The following CNTN5 variants were observed in gnomAD, a reference collection of about 807,000 sequenced individuals.
CNTN5 encodes the protein contactin-5.
In CNTN5, 77 loss-of-function variants were observed where a neutral mutation model predicts 129.1. The ratio of observed to expected loss-of-function variants is 0.60; its 90% confidence interval spans 0.50 to 0.72. The LOEUF is 0.72. CNTN5 is among the 30% of genes least tolerant of loss of function. The pLI is 0.00. For synonymous variants in CNTN5, 509 were observed against 465.6 expected (o/e 1.09, Z -1.20); for missense variants, 1,478 against 1,328.8 (o/e 1.11, Z -1.75).
intron 1 of CNTN5, among the ~76,000 whole-genome samples, chr11:99,134,372 A>T (rs925251239): frequency 6.6e-6 from 1 of 152,118 alleles, no homozygotes; most frequent in African/African-American, 2.4e-5. Context: ...TGTATAAAAA[A>T]CCTGCACATT....
At chr11:100,128,404 A>G (rs1946265599) in intron 13 of CNTN5, among the ~76,000 whole-genome samples, 1 of 152,164 alleles carries the variant, frequency 6.6e-6, no homozygotes, top group Non-Finnish European at 1.5e-5. Flanking sequence ...TTCAAGTTGC[A>G]TAATGGCTCC....
chr11:100,265,541 T>C (rs923265120), intron 17 of CNTN5, among the ~76,000 whole-genome samples: 2 of 152,064 alleles, frequency 1.3e-5, no homozygotes, highest in Admixed American at 6.6e-5. Flanking sequence ...AATTTAACAA[T>C]ATCCATTAGA....
At chr11:99,447,826 G>C (rs1368228600) in intron 2 of CNTN5, among the ~76,000 whole-genome samples, 1 of 152,170 alleles carries the variant, frequency 6.6e-6, no homozygotes, top group African/African-American at 2.4e-5. Flanking sequence ...TTGGGAGGCT[G>C]AGGCAGGAGA....
intron 1 of CNTN5, among the ~76,000 whole-genome samples, chr11:99,140,263 G>A (rs144074235): frequency 6.6e-6 from 1 of 151,904 alleles, no homozygotes; most frequent in East Asian, 1.9e-4. Context: ...TAGTAACATG[G>A]GTAAATTTTG....
intron 15 of CNTN5, among the ~76,000 whole-genome samples, chr11:100,215,196 A>G (rs146615350): frequency 9.5e-4 from 144 of 152,216 alleles, no homozygotes; most frequent in African/African-American, 3.2e-3. Flanking sequence ...ATGTAGTACA[A>G]TTTTTCTTAC....
intron 3 of CNTN5, among the ~76,000 whole-genome samples, chr11:99,634,275 A>G (rs1057383800): frequency 2.0e-5 from 3 of 152,200 alleles, no homozygotes; most frequent in African/African-American, 7.2e-5. Context: ...ACCAGAGAAG[A>G]AGAGGGAACA....
chr11:99,701,014 G>A (rs1461143188), intron 3 of CNTN5, among the ~76,000 whole-genome samples: 1 of 151,252 alleles, frequency 6.6e-6, no homozygotes, highest in Non-Finnish European at 1.5e-5. Context: ...TCATTACTGA[G>A]AATGAAGTGA....
At chr11:99,682,098 C>A (rs1953581444) in intron 3 of CNTN5, among the ~76,000 whole-genome samples, 1 of 151,942 alleles carries the variant, frequency 6.6e-6, no homozygotes, top group African/African-American at 2.4e-5. Context: ...ATTATATACA[C>A]AAATTGTTTA....
chr11:100,046,580 A>C (rs1246607241), intron 9 of CNTN5, among the ~76,000 whole-genome samples: 33 of 152,018 alleles, frequency 2.2e-4, no homozygotes, highest in Non-Finnish European at 1.5e-5. Context: ...ATAGTGTTCA[A>C]GGTAATTGTA....
rs187925247 is a variant in CNTN5 at position 99,712,091 on chromosome 11, C to A, written c.56-107453C>A. ...CACAATGGTTGAACTAATTTACACT[C>A]CCACCAACAGTGTAAAGCGTTCGTA... On this transcript the variant is annotated intron_variant, in intron 3 of 24. Transcript: ENST00000524871. Among the ~76,000 whole-genome samples, 805 of 152,212 alleles carry A rather than the reference C, an allele frequency of 5.3e-3. 9 individuals carry two copies. Among genetic ancestry groups the A allele is most frequent in the Non-Finnish European group, 7.3e-3 (498 of 68,008 alleles).
chr11:100,111,064 A>G (rs2138115456), intron 13 of CNTN5, among the ~76,000 whole-genome samples: 1 of 152,256 alleles, frequency 6.6e-6, no homozygotes, highest in African/African-American at 2.4e-5. Flanking sequence ...CTGTACCAGA[A>G]CATGTTTATA....
At chr11:99,406,031 T>A (rs1422267270) in intron 2 of CNTN5, among the ~76,000 whole-genome samples, 7 of 152,070 alleles carry the variant, frequency 4.6e-5, no homozygotes, top group South Asian at 2.1e-4. Context: ...TATCTCTGTT[T>A]CTCTAGGATT....
intron 6 of CNTN5, among the ~76,000 whole-genome samples, chr11:99,870,362 C>T (rs912549249): frequency 3.9e-5 from 6 of 152,064 alleles, no homozygotes; most frequent in Non-Finnish European, 7.4e-5. Context: ...TCCAACCCCA[C>T]TTTACCATCA....
At chr11:99,171,793 T>C (rs1403571742) in intron 1 of CNTN5, among the ~76,000 whole-genome samples, 1 of 152,212 alleles carries the variant, frequency 6.6e-6, no homozygotes, top group Non-Finnish European at 1.5e-5. Context: ...GTTATTATCA[T>C]TAAAGTATTA....
At chr11:99,631,629 C>T (rs952963319) in intron 3 of CNTN5, among the ~76,000 whole-genome samples, 11 of 150,828 alleles carry the variant, frequency 7.3e-5, no homozygotes, top group African/African-American at 2.4e-4. Flanking sequence ...AATATCATGT[C>T]AGTCATTTCA....
chr11:100,009,101 A>C (rs1940361716), intron 9 of CNTN5, among the ~76,000 whole-genome samples: 1 of 152,118 alleles, frequency 6.6e-6, no homozygotes, highest in Admixed American at 6.6e-5. Flanking sequence ...TATCACCCAA[A>C]TTTACCAACC....
intron 3 of CNTN5, among the ~76,000 whole-genome samples, chr11:99,581,988 A>G (rs903761740): frequency 1.3e-5 from 2 of 151,712 alleles, no homozygotes; most frequent in Admixed American, 6.6e-5. Flanking sequence ...CATGTTTAGT[A>G]CTTCCTTCAG....
At position 100,072,990 on chromosome 11, in the gene CNTN5, CAAAAAA is replaced by C. The variant is rs61042118; in HGVS notation, c.1430-1138_1430-1133del. ...TTTTGTAAATTCTATTCCCAGGAGGCAAAAAAAAAAAAAAAAAAAAAGTTACTTGCA... is the reference window on the plus strand; with the variant it reads ...TTTTGTAAATTCTATTCCCAGGAGGCAAAAAAAAAAAAAAAGTTACTTGCA... On this transcript the variant is annotated intron_variant, in intron 12 of 24. Coordinates refer to ENST00000524871, the MANE Select transcript of CNTN5 (RefSeq NM_014361.4). Among the ~76,000 whole-genome samples, 32 of 79,072 alleles carry C rather than the reference CAAAAAA, an allele frequency of 4.0e-4. 1 individual carries two copies. The highest frequency in any genetic ancestry group is 0.023 in the Middle Eastern group (2 of 86). The allele number at this position is 79,072 out of a possible 152,430, so 51.9% of individuals were successfully genotyped here.
chr11:99,537,165 G>A (rs1296409069), intron 2 of CNTN5, among the ~76,000 whole-genome samples: 2 of 152,130 alleles, frequency 1.3e-5, no homozygotes, highest in Admixed American at 1.3e-4. Context: ...AACCTGGATG[G>A]TCTAACCACA....
Sources: gnomAD v4.1 joint callset for allele counts (sites outside exome capture counted in the v4.1 genomes callset) on GRCh38, gnomAD v4.1.1 for gene constraint, MANE v1.5 for transcripts, NCBI Gene and HGNC (gene_info 2026-07-23, HGNC 2026-07-21) for gene names.